Variants in RBM10 observed in about 807,000 individuals in gnomAD.
The protein encoded by RBM10 is RNA-binding protein 10.
A neutral mutation model predicts 84.9 loss-of-function variants in RBM10; 1 was observed. The ratio of observed to expected loss-of-function variants is 0.01; its 90% confidence interval spans 0.00 to 0.06. The LOEUF is 0.06. Ranked by LOEUF, RBM10 falls within the 10% of genes least tolerant of loss-of-function variation. The pLI is 1.00. For synonymous variants in RBM10, 326 were observed against 344.5 expected (o/e 0.95, Z 0.60); for missense variants, 438 against 839.0 (o/e 0.52, Z 5.90).
At position 47,157,904 on chromosome X, in the gene RBM10, C is replaced by T. The variant is rs995833211; in HGVS notation, c.17+10406C>T. On this transcript the variant is annotated intron_variant, in intron 2 of 23. Coordinates refer to ENST00000377604, the MANE Select transcript of RBM10 (RefSeq NM_005676.5). ...AAGCGATTCTCCTCCCTCAGCCTCC[C>T]GAGTAGCTAGGATTACAGGCACTTG... The T allele has an allele frequency of 2.6e-5, 7 of 271,487 alleles. No individual in the cohort carries two copies. The East Asian group carries it at 2.7e-4, about 10-fold the overall frequency. 22.4% of individuals were successfully genotyped at this position (271,487 alleles called of 1,213,427 possible).
rs1935621759 is a variant in RBM10, at chrX:47,182,445, G to A, written c.1950+119G>A. On this transcript the variant is annotated intron_variant, in intron 17 of 23. Coordinates refer to ENST00000377604, the MANE Select transcript of RBM10 (RefSeq NM_005676.5). Reference sequence around the variant, plus strand: ...TGGCGGGCAGGTGTGGATGTGGGCAGTGACTGCTTAGCAGACCATGCTCTT... The same window carrying A: ...TGGCGGGCAGGTGTGGATGTGGGCAATGACTGCTTAGCAGACCATGCTCTT... The A allele has an allele frequency of 3.9e-6, 4 of 1,016,754 alleles. No homozygotes were observed. The South Asian group carries it at 8.2e-5, about 21-fold the overall frequency. 83.8% of individuals were successfully genotyped at this position (1,016,754 alleles called of 1,213,427 possible). A position where few individuals can be genotyped will look rare whatever the true frequency, so the allele number is the denominator to read the frequency against.
rs782759515 is a variant in RBM10, at chrX:47,181,307, C to T, written c.1341C>T (p.Ser447=). The change falls in exon 13 of 24, where the codon AGC becomes AGT. Residue 447 remains serine, a synonymous_variant. Transcript: ENST00000377604. ...AACAGGATGAGGGCTATGGCAACAGCCAGGGCACAGAGTCTTCCCTCTATG... is the reference window on the plus strand; with the variant it reads ...AACAGGATGAGGGCTATGGCAACAGTCAGGGCACAGAGTCTTCCCTCTATG... ...YYQQDEGYGN[S]QGTESSLYAH... 5.9e-6 allele frequency: 7 copies of T among 1,186,964 alleles called. No homozygotes were observed. The Admixed American group carries it at 1.7e-4, about 28-fold the overall frequency.
Position 47,147,380 on chromosome X carries a change from A to T in RBM10, c.-102A>T, listed in dbSNP as rs782312811. 1.3e-5 allele frequency: 16 copies of T among 1,203,555 alleles called. No individual in the cohort carries two copies. In the South Asian group the frequency reaches 2.9e-4, roughly 22 times the overall value. ...AGAGTCCCTGCAGGAAGCATCACCC[A>T]GGCTGGCAGATCATGGTAGCAGCAG... On this transcript the variant is annotated 5_prime_UTR_variant, in exon 2 of 24. Coordinates refer to ENST00000377604, the MANE Select transcript of RBM10 (RefSeq NM_005676.5).
chrX:47,158,187 TA>T, intron 2 of RBM10: 1 of 239,589 alleles, frequency 4.2e-6, no homozygotes, highest in Non-Finnish European at 7.7e-6. Flanking sequence ...TTCCCTTTCA[TA>T]AAGGTCTATA....
At chrX:47,176,633 G>A (rs1556776396) in intron 7 of RBM10, 47 bp downstream of exon 7, 1 of 1,204,367 alleles carries the variant, frequency 8.3e-7, no homozygotes, top group Admixed American at 2.2e-5. Flanking sequence ...GACAGCAACA[G>A]CAGTGGCGGC....
chrX:47,183,814 A>C lies in RBM10; in HGVS notation c.1951-1241A>C, dbSNP rs367705619. On this transcript the variant is annotated intron_variant, in intron 17 of 23. Coordinates refer to ENST00000377604, the MANE Select transcript of RBM10 (RefSeq NM_005676.5). Reference sequence around the variant, plus strand: ...TGGGTTCAAGCAATTCTCCTCCCTCAGCCTCCCGAGTAGCTGGGATTACAG... The same window carrying C: ...TGGGTTCAAGCAATTCTCCTCCCTCCGCCTCCCGAGTAGCTGGGATTACAG... Among the ~76,000 whole-genome samples the C allele has an allele frequency of 3.7e-4, 41 of 109,678 alleles. 1 individual carries two copies. In the East Asian group the frequency reaches 4.0e-3, roughly 11 times the overall value.
chrX:47,173,324 G>A (rs376950117), intron 5 of RBM10, 127 bp downstream of exon 5: 4 of 1,151,099 alleles, frequency 3.5e-6, no homozygotes, highest in Non-Finnish European at 3.5e-6. Flanking sequence ...TGGGCAGCGT[G>A]GGGGGTGCCC....
intron 7 of RBM10, among the ~76,000 whole-genome samples, chrX:47,178,811 T>C (rs1556777282): frequency 9.0e-6 from 1 of 110,952 alleles, no homozygotes; most frequent in Non-Finnish European, 1.9e-5. Context: ...GTCCTGGGAG[T>C]TGGTGGCCTT....
At chrX:47,182,366 G>A (rs2147200931) in intron 17 of RBM10, 40 bp downstream of exon 17, 3 of 1,181,694 alleles carry the variant, frequency 2.5e-6, no homozygotes, top group Non-Finnish European at 3.4e-6. Context: ...TGGCTGTGTG[G>A]TGTCTTCCAG....
In RBM10 at chrX:47,168,445, G is replaced by A. The variant is rs1198481437; in HGVS notation, c.18-870G>A. 4.5e-5 allele frequency among the ~76,000 whole-genome samples: 5 copies of A among 111,222 alleles called. No homozygotes were observed. In the Admixed American group the frequency reaches 4.8e-4, roughly 11 times the overall value. On this transcript the variant is annotated intron_variant, in intron 2 of 23. Transcript: ENST00000377604. ...TGCCTGTGGTCCCAACTACTCAGGA[G>A]GCTGAGGTGGGAGGATGGCTTGAGC...
chrX:47,164,098 T>C (rs943366733), intron 2 of RBM10, among the ~76,000 whole-genome samples: 1 of 108,835 alleles, frequency 9.2e-6, no homozygotes, highest in Non-Finnish European at 1.9e-5. Context: ...CTCGATCTCC[T>C]GACCTTGCGA....
chrX:47,186,482 A>T lies in RBM10; in HGVS notation c.2676A>T (p.Thr892=), dbSNP rs1935924768. ...CTGCCTCCCTCACACAGGCCCAAAC[A>T]CGGGTGCGGGGCTCCGGCCTGGGTG... ...QGIVTPIEAQ[T]RVRGSGLGAR... The change falls in exon 24 of 24, where the codon ACA becomes ACT. Residue 892 remains threonine, a synonymous_variant. Coordinates refer to ENST00000377604, the MANE Select transcript of RBM10 (RefSeq NM_005676.5). 3.3e-6 allele frequency: 4 copies of T among 1,206,743 alleles called. No individual in the cohort carries two copies. The highest frequency in any genetic ancestry group is 3.5e-5 in the African/African-American group (2 of 57,713).
At chrX:47,167,382 T>C (rs1019811743) in intron 2 of RBM10, among the ~76,000 whole-genome samples, 14 of 107,399 alleles carry the variant, frequency 1.3e-4, no homozygotes, top group Non-Finnish European at 2.7e-4. Flanking sequence ...TCATTTCTTT[T>C]TTTTTTTTTT....
chrX:47,174,934 TCC>T (rs1935020350), intron 5 of RBM10, 83 bp from the exon 6 acceptor site: 1 of 729,095 alleles, frequency 1.4e-6, no homozygotes, highest in South Asian at 2.1e-5. Flanking sequence ...CCCCGTCCTC[TCC>T]CCTCGGGTCC....
At chrX:47,165,055 C>T (rs1556768344) in intron 2 of RBM10, among the ~76,000 whole-genome samples, 1 of 111,608 alleles carries the variant, frequency 9.0e-6, no homozygotes, top group African/African-American at 3.3e-5. Flanking sequence ...CTATGAAGTA[C>T]CTAGAATAGG....
chrX:47,170,956 C>T, intron 3 of RBM10, 72 bp from the exon 4 acceptor site: 1 of 1,068,701 alleles, frequency 9.4e-7, no homozygotes, highest in Non-Finnish European at 1.3e-6. Context: ...CCTCACAGAG[C>T]CAGCGGCCAG....
intron 3 of RBM10, 31 bp downstream of exon 3, chrX:47,169,529 G>T (rs782335943): frequency 1.7e-6 from 2 of 1,175,608 alleles, no homozygotes; most frequent in Non-Finnish European, 1.1e-6. Flanking sequence ...GCCAGGCCTG[G>T]CTGGGATGGG....
intron 2 of RBM10, among the ~76,000 whole-genome samples, chrX:47,155,171 G>T (rs1932998274): frequency 9.7e-6 from 1 of 103,555 alleles, no homozygotes; most frequent in Non-Finnish European, 2.0e-5. Flanking sequence ...AAAAAAAAGA[G>T]TTTGGGTTCC....
At chrX:47,155,812 C>CT (rs1304134924) in intron 2 of RBM10, among the ~76,000 whole-genome samples, 1,910 of 80,828 alleles carry the variant, frequency 0.024, 94 homozygotes, top group African/African-American at 0.078. Flanking sequence ...TTCTTTCTTT[C>CT]TTTTTTTTTT....
Sources: gnomAD v4.1 joint callset for allele counts (sites outside exome capture counted in the v4.1 genomes callset) on GRCh38, gnomAD v4.1.1 for gene constraint, MANE v1.5 for transcripts, NCBI Gene and HGNC (gene_info 2026-07-23, HGNC 2026-07-21) for gene names.